The following PAG1 variants were observed in gnomAD, a reference collection of about 807,000 sequenced individuals.
PAG1 encodes the protein phosphoprotein associated with glycosphingolipid-enriched microdomains 1.
In PAG1, 23 loss-of-function variants were observed where a neutral mutation model predicts 31.7. The ratio of observed to expected loss-of-function variants is 0.73; its 90% CI spans 0.52 to 1.03. The LOEUF is 1.03. PAG1 is among the 50% of genes least tolerant of loss of function. The probability of loss-of-function intolerance (pLI) is 0.00; values close to 1 mark genes in which losing one functional copy is unlikely to be tolerated. For synonymous variants in PAG1, 214 were observed against 210.3 expected (o/e 1.02, Z -0.15); for missense variants, 473 against 540.7 (o/e 0.87, Z 1.24).
intron 1 of PAG1, among the ~76,000 whole-genome samples, chr8:81,077,495 A>C (rs1048752683): frequency 6.6e-6 from 1 of 152,352 alleles, no homozygotes; most frequent in Non-Finnish European, 1.5e-5. Flanking sequence ...TGTTTGCCTC[A>C]GTCTTTATTC....
chr8:81,097,132 A>G (rs1809540983), intron 1 of PAG1, among the ~76,000 whole-genome samples: 1 of 152,240 alleles, frequency 6.6e-6, no homozygotes, highest in Non-Finnish European at 1.5e-5. Flanking sequence ...AAAGCATTTA[A>G]AAACTACCAA....
At chr8:81,057,651 C>A (rs1462419393) in intron 2 of PAG1, among the ~76,000 whole-genome samples, 1 of 152,034 alleles carries the variant, frequency 6.6e-6, no homozygotes, top group Admixed American at 6.5e-5. Context: ...ACCAACATGG[C>A]ACATGTATAC....
chr8:81,042,516 C>T (rs77882540), intron 2 of PAG1, among the ~76,000 whole-genome samples: 6,659 of 152,070 alleles, frequency 0.044, 146 homozygotes, highest in East Asian at 0.075. Context: ...AATCTTTTTC[C>T]TCTTTATCAT....
At chr8:81,103,925 C>T (rs1809650195) in intron 1 of PAG1, among the ~76,000 whole-genome samples, 1 of 152,044 alleles carries the variant, frequency 6.6e-6, no homozygotes, top group Non-Finnish European at 1.5e-5. Context: ...AAGCCTGTGT[C>T]CTGCTGTCAA....
intron 1 of PAG1, among the ~76,000 whole-genome samples, chr8:81,093,523 G>C (rs1029732122): frequency 3.3e-5 from 5 of 151,868 alleles, no homozygotes; most frequent in African/African-American, 1.2e-4. Context: ...TTTCAAGATT[G>C]TCTCTGAGGT....
intron 1 of PAG1, among the ~76,000 whole-genome samples, chr8:81,105,725 T>C (rs1809683470): frequency 6.6e-6 from 1 of 152,276 alleles, no homozygotes; most frequent in South Asian, 2.1e-4. Flanking sequence ...AAGGATGGCG[T>C]AGGGGGAAGC....
chr8:81,083,305 G>A (rs1223129019), intron 1 of PAG1, among the ~76,000 whole-genome samples: 2 of 152,180 alleles, frequency 1.3e-5, no homozygotes, highest in Admixed American at 6.5e-5. Context: ...AGAGGAAAAG[G>A]GCTCCTCATT....
intron 1 of PAG1, among the ~76,000 whole-genome samples, chr8:81,099,345 A>T (rs1809574668): frequency 6.6e-6 from 1 of 152,208 alleles, no homozygotes; most frequent in Non-Finnish European, 1.5e-5. Flanking sequence ...TTATTTTTGT[A>T]GACAGAGTTA....
At chr8:81,076,057 C>T (rs1050402989) in intron 1 of PAG1, among the ~76,000 whole-genome samples, 1 of 152,228 alleles carries the variant, frequency 6.6e-6, no homozygotes, top group African/African-American at 2.4e-5. Flanking sequence ...TGGCTTATCA[C>T]TACAGGTACC....
chr8:81,056,114 T>A (rs952274506), intron 2 of PAG1, among the ~76,000 whole-genome samples: 3 of 152,212 alleles, frequency 2.0e-5, no homozygotes, highest in African/African-American at 7.2e-5. Flanking sequence ...TAGCTCTTAT[T>A]ATTTTGAAAT....
rs369130624 is a variant in PAG1, at chr8:80,993,062, G to T, written c.125+41C>A. 2.6e-5 allele frequency: 41 copies of T among 1,554,430 alleles called. 1 individual carries two copies. Among genetic ancestry groups the T allele is most frequent in the Non-Finnish European group, 3.6e-5 (41 of 1,137,456 alleles). On this transcript the variant is annotated intron_variant, in intron 4 of 8. Transcript: ENST00000220597. ...AGAAACTCTTCTGGGTACAGGGGAT[G>T]TATTAGTTTAAGGCACAGGTATATA...
rs117839339 is a variant in PAG1 at position 81,049,803 on chromosome 8, T to C, written c.-174-19714A>G. The stretch of plus-strand genomic sequence containing the variant: ...ATGCCTGCTTTACAAATGGGGAAAC[T>C]GAGACTGAGAGGTTCAGTGATATTA... On this transcript the variant is annotated intron_variant, in intron 2 of 8. Coordinates refer to ENST00000220597, the MANE Select transcript of PAG1 (RefSeq NM_018440.4). 5.1e-3 allele frequency among the ~76,000 whole-genome samples: 778 copies of C among 152,338 alleles called. 4 individuals are homozygous for C. Among genetic ancestry groups the C allele is most frequent in the Non-Finnish European group, 8.6e-3 (586 of 68,030 alleles).
intron 2 of PAG1, among the ~76,000 whole-genome samples, chr8:81,042,293 A>G (rs937286323): frequency 4.6e-5 from 7 of 152,116 alleles, no homozygotes; most frequent in Non-Finnish European, 1.0e-4. Context: ...TGGAAGCATT[A>G]CCTCAAAGGG....
rs1305646807 is a variant in PAG1 at position 81,056,699 on chromosome 8, C to A, written c.-175+13413G>T. 2.6e-5 allele frequency among the ~76,000 whole-genome samples: 4 copies of A among 152,232 alleles called. No homozygotes were observed. The South Asian group carries it at 6.2e-4, about 24-fold the overall frequency. On this transcript the variant is annotated intron_variant, in intron 2 of 8. Transcript: ENST00000220597. ...TCTAAAACACCAAAAGCAATGGCAA[C>A]AAAAGCCAAAATTGACAAATGGGAT... is the stretch of plus-strand genomic sequence containing the variant.
intron 3 of PAG1, among the ~76,000 whole-genome samples, chr8:81,022,236 G>A (rs1164681018): frequency 3.3e-5 from 5 of 152,182 alleles, no homozygotes; most frequent in Non-Finnish European, 7.4e-5. Flanking sequence ...GAAAATGAAA[G>A]CTAACTGCAA....
chr8:80,980,504 C>G lies in PAG1; in HGVS notation c.877-10G>C. The stretch of plus-strand genomic sequence containing the variant: ...ACAATGAGCTAAATCTCTGTCAGAA[C>G]AAACACAAGCCAAGGAAAGTAATTC... On this transcript the variant is annotated splice_polypyrimidine_tract_variant and intron_variant, in intron 7 of 8. Transcript: ENST00000220597. 6.3e-7 allele frequency: 1 copy of G among 1,579,294 alleles called. No homozygotes were observed. The highest frequency in any genetic ancestry group is 8.7e-7 in the Non-Finnish European group (1 of 1,149,172).
chr8:81,030,041 T>C lies in PAG1; in HGVS notation c.-126A>G, dbSNP rs1245051271. The C allele has an allele frequency of 3.3e-5, 5 of 152,264 alleles. No homozygotes were observed. Among genetic ancestry groups the C allele is most frequent in the African/African-American group, 1.2e-4 (5 of 41,464 alleles). 9.4% of individuals were successfully genotyped at this position (152,264 alleles called of 1,614,324 possible). On this transcript the variant is annotated 5_prime_UTR_variant, in exon 3 of 9. Transcript: ENST00000220597. ...AGTAGAGTATTCCAAGTTCTGGCAA[T>C]GTATTCCCTTTGAAATGTTGTGGTG...
At chr8:81,050,613 C>A (rs1404045140) in intron 2 of PAG1, among the ~76,000 whole-genome samples, 1 of 152,172 alleles carries the variant, frequency 6.6e-6, no homozygotes, top group African/African-American at 2.4e-5. Flanking sequence ...TCCTTTCTAT[C>A]TGTATTTGTC....
In PAG1 at chr8:80,985,033, T is replaced by C. The variant is rs1586142794; in HGVS notation, c.619A>G (p.Thr207Ala). 6.2e-7 allele frequency: 1 copy of C among 1,614,134 alleles called. No individual in the cohort carries two copies. The highest frequency in any genetic ancestry group is 1.7e-5 in the Admixed American group (1 of 60,018). The change falls in exon 7 of 9, where the codon ACT becomes GCT. Residue 207 changes from threonine (T) to alanine (A), a missense_variant. Physicochemically the swap from Thr to Ala is moderately conservative, Grantham distance 58. Transcript: ENST00000220597. Reference protein sequence around the residue: ...EKGHSGKAKSTSASKELPGPQ... With the variant: ...EKGHSGKAKSASASKELPGPQ... ...CCTGGGAGCTCTTTCGAGGCAGAAG[T>C]AGATTTTGCCTTGCCACTGTGGCCT...
Sources: gnomAD v4.1 joint callset for allele counts (sites outside exome capture counted in the v4.1 genomes callset) on GRCh38, gnomAD v4.1.1 for gene constraint, MANE v1.5 for transcripts, NCBI Gene and HGNC (gene_info 2026-07-23, HGNC 2026-07-21) for gene names.